The following TBC1D8 variants were observed in gnomAD, a reference collection of about 807,000 sequenced individuals.
The protein encoded by TBC1D8 is BUB2-like protein 1.
Under a neutral mutation model 118.8 loss-of-function variants are expected in TBC1D8, and 65 were observed. That is an observed-to-expected ratio of 0.55 (90% CI 0.45 to 0.67). The LOEUF (loss-of-function observed/expected upper bound fraction) is 0.67. TBC1D8 is among the 30% of genes least tolerant of loss of function. TBC1D8 has a pLI of 0.00. For synonymous variants in TBC1D8, 566 were observed against 595.8 expected (o/e 0.95, Z 0.73); for missense variants, 1,376 against 1,471.2 (o/e 0.94, Z 1.06).
At chr2:101,044,327 G>A (rs900804830) in intron 5 of TBC1D8, among the ~76,000 whole-genome samples, 3 of 152,290 alleles carry the variant, frequency 2.0e-5, no homozygotes, top group East Asian at 1.9e-4. Flanking sequence ...TGAAGATATC[G>A]TGACTTTGAA....
chr2:101,116,543 A>G (rs1677826109), intron 1 of TBC1D8, among the ~76,000 whole-genome samples: 2 of 152,166 alleles, frequency 1.3e-5, no homozygotes, highest in Admixed American at 1.3e-4. Context: ...CAAAAAAGAT[A>G]CATTGAAATC....
chr2:101,107,626 T>C (rs907937994), intron 1 of TBC1D8, among the ~76,000 whole-genome samples: 1 of 152,106 alleles, frequency 6.6e-6, no homozygotes, highest in Non-Finnish European at 1.5e-5. Context: ...CTAGAAGCAA[T>C]GAGCACACAT....
intron 1 of TBC1D8, among the ~76,000 whole-genome samples, chr2:101,147,278 G>A (rs370713376): frequency 1.3e-3 from 194 of 152,292 alleles, no homozygotes; most frequent in African/African-American, 4.5e-3. Context: ...AATAAATACA[G>A]GAACGCAGGT....
chr2:101,009,406 CAAAAAAAA>C (rs70943054), intron 19 of TBC1D8, among the ~76,000 whole-genome samples: 38,141 of 97,924 alleles, frequency 0.39, 5,427 homozygotes, highest in South Asian at 0.5. Context: ...ACTCTGTCTC[CAAAAAAAA>C]AAAAAAAAAG....
intron 1 of TBC1D8, among the ~76,000 whole-genome samples, chr2:101,148,621 A>G (rs1679418172): frequency 6.6e-6 from 1 of 152,200 alleles, no homozygotes; most frequent in African/African-American, 2.4e-5. Context: ...TTAGGCAATT[A>G]AGATTACTTC....
chr2:101,080,238 G>A (rs189550862), intron 2 of TBC1D8, among the ~76,000 whole-genome samples: 50 of 152,214 alleles, frequency 3.3e-4, no homozygotes, highest in African/African-American at 9.4e-4. Context: ...GAGCGTGACC[G>A]AAAACAAGTG....
chr2:101,050,376 G>A (rs747751879), intron 5 of TBC1D8, 25 bp downstream of exon 5: 1 of 1,602,332 alleles, frequency 6.2e-7, no homozygotes, highest in South Asian at 1.1e-5. Context: ...GCGGGTGGGA[G>A]ACACTCTAGA....
At chr2:101,128,068 C>G (rs981678767) in intron 1 of TBC1D8, among the ~76,000 whole-genome samples, 9 of 152,258 alleles carry the variant, frequency 5.9e-5, no homozygotes, top group South Asian at 2.1e-4. Context: ...CAAGGTCATT[C>G]AGGTTAATAA....
intron 14 of TBC1D8, 45 bp from the exon 15 acceptor site, chr2:101,027,496 AC>A: frequency 6.3e-7 from 1 of 1,578,376 alleles, no homozygotes; most frequent in Non-Finnish European, 8.7e-7. Flanking sequence ...CTAGGCCTGC[AC>A]CCCCAGGGGT....
At chr2:101,113,055 C>T (rs1677674957) in intron 1 of TBC1D8, among the ~76,000 whole-genome samples, 1 of 152,120 alleles carries the variant, frequency 6.6e-6, no homozygotes, top group Admixed American at 6.5e-5. Context: ...CTTTTGACAT[C>T]CCATTTTAAC....
At chr2:101,079,240 G>A (rs926030702) in intron 2 of TBC1D8, among the ~76,000 whole-genome samples, 13 of 152,166 alleles carry the variant, frequency 8.5e-5, no homozygotes, top group African/African-American at 2.9e-4. Context: ...TAAACTAGAC[G>A]CCTGCTAAGG....
At chr2:101,049,727 C>G (rs1201535914) in intron 5 of TBC1D8, among the ~76,000 whole-genome samples, 2 of 147,510 alleles carry the variant, frequency 1.4e-5, no homozygotes, top group African/African-American at 5.0e-5. Context: ...TTCTCCATCT[C>G]AAAAAAAAAT....
chr2:101,027,977 C>CA, intron 14 of TBC1D8, 71 bp downstream of exon 14: 1 of 1,404,086 alleles, frequency 7.1e-7, no homozygotes, highest in Non-Finnish European at 1.0e-6. Flanking sequence ...TTCTTATGAC[C>CA]AAAAAGGATG....
intron 2 of TBC1D8, among the ~76,000 whole-genome samples, chr2:101,075,385 C>A: frequency 1.3e-5 from 1 of 74,362 alleles, no homozygotes; most frequent in African/African-American, 6.5e-5. Context: ...AGTGAGACTC[C>A]ATCTCAAAAA....
chr2:101,101,703 A>G (rs573676656), intron 1 of TBC1D8, among the ~76,000 whole-genome samples: 2 of 152,360 alleles, frequency 1.3e-5, no homozygotes, highest in African/African-American at 4.8e-5. Context: ...TACACTACAG[A>G]ATACTATGCA....
At chr2:101,047,939 C>T (rs1265547150) in intron 5 of TBC1D8, among the ~76,000 whole-genome samples, 2 of 152,212 alleles carry the variant, frequency 1.3e-5, no homozygotes, top group Admixed American at 6.5e-5. Context: ...CTCCCTTCCA[C>T]CCAAAACCAA....
At chr2:101,145,964 A>C (rs1679301862) in intron 1 of TBC1D8, among the ~76,000 whole-genome samples, 1 of 152,226 alleles carries the variant, frequency 6.6e-6, no homozygotes, top group Non-Finnish European at 1.5e-5. Context: ...TATTCTCAGA[A>C]GCCATTATTC....
Position 101,050,566 on chromosome 2 carries a change from CG to C in TBC1D8, c.706del (p.Arg236GlufsTer15). 6.2e-7 allele frequency: 1 copy of C among 1,613,914 alleles called. No individual in the cohort carries two copies. Among genetic ancestry groups the C allele is most frequent in the Non-Finnish European group, 8.5e-7 (1 of 1,179,884 alleles). ...ACGCTCCTTATTCTGCGTGGTGATTCGGATGGTATCCGTCAGAAAGACATTG... is the reference window on the plus strand; with the variant it reads ...ACGCTCCTTATTCTGCGTGGTGATTCGATGGTATCCGTCAGAAAGACATTG... ...TSNVFLTDTI[R>X]ITTQNKERDF... On this transcript the variant is annotated frameshift_variant, in exon 5 of 20. Transcript: ENST00000409318. LOFTEE classifies it high-confidence loss of function.
chr2:101,125,987 A>G (rs1678335385), intron 1 of TBC1D8, among the ~76,000 whole-genome samples: 2 of 152,158 alleles, frequency 1.3e-5, no homozygotes, highest in Non-Finnish European at 2.9e-5. Flanking sequence ...TTGTGTTGCT[A>G]TAAAGGAATA....
Sources: gnomAD v4.1 joint callset for allele counts (sites outside exome capture counted in the v4.1 genomes callset) on GRCh38, gnomAD v4.1.1 for gene constraint, MANE v1.5 for transcripts, NCBI Gene and HGNC (gene_info 2026-07-23, HGNC 2026-07-21) for gene names.